Variants in NAALADL2 observed in about 807,000 individuals in gnomAD.
NAALADL2 encodes the protein inactive N-acetylated-alpha-linked acidic dipeptidase-like protein 2.
In NAALADL2, 76 loss-of-function variants were observed where a neutral mutation model predicts 87.2. That is an observed-to-expected ratio of 0.87 (90% CI 0.72 to 1.05). The LOEUF is 1.05. NAALADL2 is among the 50% of genes least tolerant of loss of function. The pLI, the probability that NAALADL2 is intolerant of heterozygous loss-of-function variation, is 0.00. For missense variants in NAALADL2, 1,089 were observed against 945.8 expected (o/e 1.15, Z -1.99); for synonymous variants, 354 against 331.0 (o/e 1.07, Z -0.75).
intron 5 of NAALADL2, among the ~76,000 whole-genome samples, chr3:175,349,322 T>C (rs1484004355): frequency 6.7e-6 from 1 of 150,144 alleles, no homozygotes; most frequent in Non-Finnish European, 1.5e-5. Context: ...TAAGAAAGAG[T>C]GAGACCTACT....
chr3:175,198,521 T>A (rs1207542314), intron 2 of NAALADL2, among the ~76,000 whole-genome samples: 1 of 152,064 alleles, frequency 6.6e-6, no homozygotes. Context: ...ACCTGCACAC[T>A]TCTAGGATTT....
chr3:175,216,249 A>G (rs1177039692), intron 2 of NAALADL2, among the ~76,000 whole-genome samples: 1 of 152,158 alleles, frequency 6.6e-6, no homozygotes. Flanking sequence ...CATCTTGTCA[A>G]ATATAACAGT....
rs1270548282 is a variant in NAALADL2 at position 175,808,646 on chromosome 3, A to C, written c.*5443A>C. 6.6e-6 allele frequency: 1 copy of C among 152,140 alleles called. No individual in the cohort carries two copies. Among genetic ancestry groups the C allele is most frequent in the South Asian group, 2.1e-4 (1 of 4,828 alleles). The allele number at this position is 152,140 out of a possible 1,614,324, so 9.4% of individuals were successfully genotyped here. On this transcript the variant is annotated 3_prime_UTR_variant, in exon 14 of 14. Transcript: ENST00000454872. The stretch of plus-strand genomic sequence containing the variant: ...AGATTTTATTTTCCAGGGGCTAATT[A>C]ATATGCACCACCTAAGTCCCCAAAG...
At chr3:175,543,418 C>T (rs954994444) in intron 9 of NAALADL2, among the ~76,000 whole-genome samples, 4 of 151,954 alleles carry the variant, frequency 2.6e-5, no homozygotes, top group Non-Finnish European at 5.9e-5. Flanking sequence ...AGACAATGTA[C>T]CAGGTGTATT....
At chr3:174,777,226 A>T (rs1009528467) in intron 3 of NAALADL2, among the ~76,000 whole-genome samples, 5 of 152,082 alleles carry the variant, frequency 3.3e-5, no homozygotes, top group Non-Finnish European at 5.9e-5. Flanking sequence ...TTTGAATGAC[A>T]TGTGCATGTA....
At chr3:175,607,913 G>GCGCACACACACGCA (rs151212308) in intron 10 of NAALADL2, among the ~76,000 whole-genome samples, 27,949 of 149,154 alleles carry the variant, frequency 0.19, 2,878 homozygotes, top group African/African-American at 0.27. Context: ...ACACACACAC[G>GCGCACACACACGCA]CACACACACG....
At chr3:174,574,421 T>C (rs1446563941) in intron 2 of NAALADL2, among the ~76,000 whole-genome samples, 1 of 152,146 alleles carries the variant, frequency 6.6e-6, no homozygotes, top group Non-Finnish European at 1.5e-5. Flanking sequence ...GAGTAAGTAG[T>C]AATTAATGTT....
chr3:174,761,180 A>G (rs1712894140), intron 3 of NAALADL2, among the ~76,000 whole-genome samples: 1 of 152,162 alleles, frequency 6.6e-6, no homozygotes, highest in Non-Finnish European at 1.5e-5. Context: ...ATGAAAATCT[A>G]TTTCCGAGTG....
chr3:175,395,506 T>A (rs9832439), intron 5 of NAALADL2, among the ~76,000 whole-genome samples: 39,161 of 151,932 alleles, frequency 0.26, 5,348 homozygotes, highest in East Asian at 0.47. Context: ...GACTAATGGA[T>A]TGGCAAGGTG....
chr3:175,304,136 A>G (rs1393923017), intron 4 of NAALADL2, among the ~76,000 whole-genome samples: 1 of 152,186 alleles, frequency 6.6e-6, no homozygotes, highest in Non-Finnish European at 1.5e-5. Flanking sequence ...ATGAAAAAGT[A>G]TCGTTATTTG....
rs1160238273 is a variant in NAALADL2 at position 175,802,854 on chromosome 3, T to A, written c.2190-151T>A. 10 of 571,416 alleles carry A rather than the reference T, an allele frequency of 1.8e-5. No homozygotes were observed. In the East Asian group the frequency reaches 2.7e-4, roughly 15 times the overall value. The allele number at this position is 571,416 out of a possible 1,614,324, so 35.4% of individuals were successfully genotyped here. ...GGTGATCAATGTCTAAATTTGTTAA[T>A]TCATTAGGAGTTGAAAAATCGTGAT... On this transcript the variant is annotated intron_variant, in intron 13 of 13. Transcript: ENST00000454872.
Position 174,536,373 on chromosome 3 carries a change from G to A in NAALADL2, c.-183-14196G>A, listed in dbSNP as rs144964753. Among the ~76,000 whole-genome samples, 696 of 152,156 alleles carry A rather than the reference G, an allele frequency of 4.6e-3. 5 individuals are homozygous for A. The highest frequency in any genetic ancestry group is 0.015 in the African/African-American group (634 of 41,522). ...ACTGAGATACGATATTGAAAATGAA[G>A]GGCAACCTTCTTGTTGGGTGAAAGT... On this transcript the variant is annotated intron_variant, in intron 1 of 3. Coordinates refer to the NAALADL2 transcript ENST00000434257.
At chr3:175,208,137 A>G (rs866411924) in intron 2 of NAALADL2, among the ~76,000 whole-genome samples, 2 of 152,246 alleles carry the variant, frequency 1.3e-5, no homozygotes, top group African/African-American at 4.8e-5. Context: ...AACTTCACTT[A>G]CTCAACCCAT....
intron 2 of NAALADL2, among the ~76,000 whole-genome samples, chr3:174,670,096 A>G (rs1181373838): frequency 2.7e-5 from 4 of 148,952 alleles, no homozygotes; most frequent in Non-Finnish European, 6.0e-5. Context: ...TGTATCCTGC[A>G]ACTTTGCTAA....
At chr3:175,476,933 A>G (rs1725779233) in intron 9 of NAALADL2, among the ~76,000 whole-genome samples, 3 of 152,156 alleles carry the variant, frequency 2.0e-5, no homozygotes, top group Admixed American at 6.6e-5. Context: ...AAGTCTTGTA[A>G]TAAATCTAAA....
intron 13 of NAALADL2, among the ~76,000 whole-genome samples, chr3:175,798,271 A>G (rs1440227689): frequency 6.6e-6 from 1 of 151,992 alleles, no homozygotes; most frequent in Non-Finnish European, 1.5e-5. Context: ...AACTTAAGTA[A>G]CATCAGAAGC....
At chr3:175,317,700 T>A (rs1413684205) in intron 4 of NAALADL2, among the ~76,000 whole-genome samples, 1 of 152,146 alleles carries the variant, frequency 6.6e-6, no homozygotes, top group Non-Finnish European at 1.5e-5. Context: ...AATATGTAAA[T>A]AGCCCAAATC....
chr3:175,162,162 G>A (rs941338222), intron 2 of NAALADL2, among the ~76,000 whole-genome samples: 3 of 152,034 alleles, frequency 2.0e-5, no homozygotes, highest in Non-Finnish European at 4.4e-5. Flanking sequence ...TGGGTAAAAG[G>A]CTATTAAATT....
chr3:175,127,288 G>A (rs1236412536), intron 2 of NAALADL2, among the ~76,000 whole-genome samples: 1 of 152,136 alleles, frequency 6.6e-6, no homozygotes, highest in African/African-American at 2.4e-5. Flanking sequence ...ATCCCAGCCT[G>A]TGGTACCTTG....
Sources: allele counts gnomAD v4.1 joint callset (sites outside exome capture counted in the v4.1 genomes callset), GRCh38; gene constraint gnomAD v4.1.1; transcripts MANE v1.5; gene names NCBI Gene and HGNC (gene_info 2026-07-23, HGNC 2026-07-21).